EPS15: variants seen among roughly 807,000 people sequenced by gnomAD.
The protein encoded by EPS15 is epidermal growth factor receptor pathway substrate 15.
Under a neutral mutation model 113.8 loss-of-function variants are expected in EPS15, and 72 were observed. The ratio of observed to expected loss-of-function variants is 0.63; its 90% confidence interval spans 0.52 to 0.77. EPS15 has a LOEUF of 0.77. EPS15 is among the 30% of genes least tolerant of loss of function. The pLI, the probability that EPS15 is intolerant of heterozygous loss-of-function variation, is 0.00. For missense variants in EPS15, 1,048 were observed against 1,045.8 expected (o/e 1.00, Z -0.03); for synonymous variants, 344 against 363.4 (o/e 0.95, Z 0.61).
intron 5 of EPS15, among the ~76,000 whole-genome samples, chr1:51,466,751 C>T (rs1300778808): frequency 2.7e-5 from 4 of 150,886 alleles, no homozygotes; most frequent in African/African-American, 9.8e-5. Flanking sequence ...AATAATAAGC[C>T]AGGCTCAGTA....
intron 11 of EPS15, among the ~76,000 whole-genome samples, chr1:51,443,380 T>C (rs1332482953): frequency 3.9e-5 from 6 of 152,042 alleles, no homozygotes; most frequent in Non-Finnish European, 5.9e-5. Flanking sequence ...TACAGTTATA[T>C]AGCAAAGAGC....
chr1:51,378,057 G>A (rs945775289), intron 21 of EPS15, among the ~76,000 whole-genome samples: 3 of 151,942 alleles, frequency 2.0e-5, no homozygotes, highest in Non-Finnish European at 4.4e-5. Flanking sequence ...CACCACGCCT[G>A]GCTAATTTTT....
chr1:51,418,906 AGTTT>A (rs1360064213), intron 13 of EPS15, among the ~76,000 whole-genome samples: 2 of 152,196 alleles, frequency 1.3e-5, no homozygotes, highest in Non-Finnish European at 2.9e-5. Context: ...ACTGAATTCA[AGTTT>A]GTTTGACATC....
Position 51,413,996 on chromosome 1 carries a change from C to T in EPS15, c.1114-4300G>A, listed in dbSNP as rs113771000. 7.4e-3 allele frequency among the ~76,000 whole-genome samples: 1,120 copies of T among 152,150 alleles called. 7 individuals are homozygous for T. The highest frequency in any genetic ancestry group is 0.025 in the African/African-American group (1,033 of 41,532). On this transcript the variant is annotated intron_variant, in intron 13 of 24. Transcript: ENST00000371733. Reference sequence around the variant, plus strand: ...AACTCCTAGGCTCAAATGATCTGCCCGCCTCGGCCTCCCAAAATGCTGGGA... The same window carrying T: ...AACTCCTAGGCTCAAATGATCTGCCTGCCTCGGCCTCCCAAAATGCTGGGA...
At chr1:51,430,977 TACACACACACACACACAC>T (rs67920039) in intron 12 of EPS15, among the ~76,000 whole-genome samples, 94 of 122,086 alleles carry the variant, frequency 7.7e-4, no homozygotes, top group South Asian at 3.7e-3. Flanking sequence ...ATTACTTACA[TACACACACACACACACAC>T]ACACACACAC....
intron 12 of EPS15, among the ~76,000 whole-genome samples, chr1:51,430,567 CAA>C (rs1284100143): frequency 1.2e-4 from 11 of 91,810 alleles, no homozygotes; most frequent in Admixed American, 4.9e-4. Flanking sequence ...GACTTCGTCT[CAA>C]AAAAAAAAAA....
Position 51,410,305 on chromosome 1 carries a change from C to G in EPS15, c.1114-609G>C, listed in dbSNP as rs139075422. Among the ~76,000 whole-genome samples the G allele has an allele frequency of 8.7e-3, 1,316 of 151,476 alleles. 18 individuals are homozygous for G. Among genetic ancestry groups the G allele is most frequent in the African/African-American group, 0.03 (1,253 of 41,278 alleles). ...ACTTGGGAGGCTGAGATGGGAGGATCTCTTGAGCCCAGGAGGTCAAGGCTG... is the reference window on the plus strand; with the variant it reads ...ACTTGGGAGGCTGAGATGGGAGGATGTCTTGAGCCCAGGAGGTCAAGGCTG... On this transcript the variant is annotated intron_variant, in intron 13 of 24. Transcript: ENST00000371733.
chr1:51,442,360 T>A (rs2148476463), intron 11 of EPS15, among the ~76,000 whole-genome samples: 1 of 152,186 alleles, frequency 6.6e-6, no homozygotes, highest in African/African-American at 2.4e-5. Context: ...GACTACCACA[T>A]CTCCTCTGTC....
chr1:51,423,203 C>T, intron 12 of EPS15: 1 of 1,288,776 alleles, frequency 7.8e-7, no homozygotes, highest in Non-Finnish European at 1.0e-6. Context: ...AAGGAGCTCA[C>T]TAACCGTTTG....
intron 8 of EPS15, among the ~76,000 whole-genome samples, chr1:51,451,490 CAAAAA>C (rs56091976): frequency 3.9e-5 from 2 of 50,808 alleles, no homozygotes; most frequent in African/African-American, 7.9e-5. Flanking sequence ...GACTCCATCT[CAAAAA>C]AAAAAAAAAA....
At chr1:51,460,852 G>A in intron 8 of EPS15, 1 of 366,382 alleles carries the variant, frequency 2.7e-6, no homozygotes, top group Non-Finnish European at 5.0e-6. Flanking sequence ...TACTTGGGAG[G>A]CTGAGGCACG....
At chr1:51,501,158 A>G in intron 1 of EPS15, among the ~76,000 whole-genome samples, 1 of 152,106 alleles carries the variant, frequency 6.6e-6, no homozygotes, top group South Asian at 2.1e-4. Flanking sequence ...CTGTAATCCC[A>G]GCACTTTGAG....
rs532621088 is a variant in EPS15, at chr1:51,482,948, CCTT to C, written c.34-1637_34-1635del. On this transcript the variant is annotated intron_variant, in intron 1 of 24. Coordinates refer to ENST00000371733, the MANE Select transcript of EPS15 (RefSeq NM_001981.3). ...TGTACACACACACACAGTAGTTTCC[CCTT>C]ATCCACAGTTTCACTTTCCACAGTT... 2.5e-3 allele frequency among the ~76,000 whole-genome samples: 377 copies of C among 152,282 alleles called. 3 individuals are homozygous for C. Among genetic ancestry groups the C allele is most frequent in the Non-Finnish European group, 4.7e-3 (318 of 68,010 alleles).
At chr1:51,374,996 CTTTTTTTTTTTT>C (rs761941054) in intron 21 of EPS15, among the ~76,000 whole-genome samples, 1 of 108,772 alleles carries the variant, frequency 9.2e-6, no homozygotes, top group African/African-American at 3.7e-5. Context: ...TAATATACTT[CTTTTTTTTTTTT>C]TTTTTTTTTT....
intron 5 of EPS15, among the ~76,000 whole-genome samples, chr1:51,467,554 TA>T (rs1454241238): frequency 6.6e-6 from 1 of 152,150 alleles, no homozygotes; most frequent in Non-Finnish European, 1.5e-5. Flanking sequence ...AAGCTACTTA[TA>T]AAAGGTATAG....
chr1:51,425,772 A>C (rs1269666764), intron 12 of EPS15, among the ~76,000 whole-genome samples: 1 of 152,206 alleles, frequency 6.6e-6, no homozygotes, highest in African/African-American at 2.4e-5. Flanking sequence ...GGATGTTAAT[A>C]TCTCTATCAT....
rs1570239706 is a variant in EPS15, at chr1:51,409,777, G to A, written c.1114-81C>T. On this transcript the variant is annotated intron_variant, in intron 13 of 24. Transcript: ENST00000371733. ...GTTAGTAATTTTAAATCTACCTTAAGAAAGAATAAAGTCTTACTGAGTATA... is the reference window on the plus strand; with the variant it reads ...GTTAGTAATTTTAAATCTACCTTAAAAAAGAATAAAGTCTTACTGAGTATA... The A allele has an allele frequency of 1.8e-5, 17 of 951,474 alleles. No individual in the cohort carries two copies. In the East Asian group the frequency reaches 4.3e-4, roughly 24 times the overall value. 58.9% of individuals were successfully genotyped at this position (951,474 alleles called of 1,614,324 possible).
At position 51,399,016 on chromosome 1, in the gene EPS15, T is replaced by C. The variant is rs774847776; in HGVS notation, c.2052+16A>G. ...ATTATCCATTTAACTTAACAGTTTT[T>C]AATTCTCCCACTTACCGATGTAATA... On this transcript the variant is annotated intron_variant, in intron 20 of 24. Transcript: ENST00000371733. 5 of 1,605,602 alleles carry C rather than the reference T, an allele frequency of 3.1e-6. No individual in the cohort carries two copies. In the African/African-American group the frequency reaches 5.4e-5, roughly 17 times the overall value.
chr1:51,366,218 C>A (rs771810018), intron 21 of EPS15, among the ~76,000 whole-genome samples, 189 bp from the exon 22 acceptor site: 4 of 152,104 alleles, frequency 2.6e-5, no homozygotes, highest in Non-Finnish European at 4.4e-5. Flanking sequence ...CGGGTATGCA[C>A]CACCATGCCT....
Sources: allele counts gnomAD v4.1 joint callset (sites outside exome capture counted in the v4.1 genomes callset), GRCh38; gene constraint gnomAD v4.1.1; transcripts MANE v1.5; gene names NCBI Gene and HGNC (gene_info 2026-07-23, HGNC 2026-07-21).